Variants in ZNF385D observed in about 807,000 individuals in gnomAD.
The protein encoded by ZNF385D is zinc finger protein 659.
In ZNF385D, 15 loss-of-function variants were observed where a neutral mutation model predicts 35.8. The observed-to-expected ratio is 0.42, with a 90% CI of 0.28 to 0.64. ZNF385D has a LOEUF of 0.64. ZNF385D is among the 30% of genes least tolerant of loss of function. The probability of loss-of-function intolerance (pLI) is 0.23; values close to 1 mark genes in which losing one functional copy is unlikely to be tolerated. For synonymous variants in ZNF385D, 212 were observed against 186.8 expected (o/e 1.13, Z -1.10); for missense variants, 474 against 494.6 (o/e 0.96, Z 0.39).
At chr3:21,752,831 C>T (rs2070167208), upstream of ZNF385D, among the ~76,000 whole-genome samples, 1 of 151,952 alleles carries the variant, frequency 6.6e-6, no homozygotes, top group African/African-American at 2.4e-5. Context: ...AATGTTTTTT[C>T]CTTTTGGACA....
intron 3 of ZNF385D, among the ~76,000 whole-genome samples, chr3:22,027,116 C>T (rs1040186292): frequency 6.6e-6 from 1 of 152,182 alleles, no homozygotes; most frequent in African/African-American, 2.4e-5. Context: ...CTTTACTGTC[C>T]TACCTCAGGG....
At chr3:21,506,020 A>G (rs1278699895) in intron 4 of ZNF385D, among the ~76,000 whole-genome samples, 1 of 152,186 alleles carries the variant, frequency 6.6e-6, no homozygotes, top group Non-Finnish European at 1.5e-5. Flanking sequence ...GCCACCCTGC[A>G]GGCTGTAACT....
intron 2 of ZNF385D, among the ~76,000 whole-genome samples, chr3:22,354,854 T>G (rs1559537768): frequency 2.0e-5 from 3 of 152,058 alleles, no homozygotes; most frequent in Non-Finnish European, 4.4e-5. Context: ...AAGCAAAATT[T>G]GAAATTCAGT....
At chr3:22,361,944 G>A (rs9844099) in intron 2 of ZNF385D, among the ~76,000 whole-genome samples, 33,128 of 151,454 alleles carry the variant, frequency 0.22, 3,971 homozygotes, top group Non-Finnish European at 0.27. Flanking sequence ...TGAACTAGCA[G>A]GAAAAATAAA....
intron 3 of ZNF385D, among the ~76,000 whole-genome samples, chr3:22,004,150 T>C (rs1696042233): frequency 6.6e-6 from 1 of 152,110 alleles, no homozygotes; most frequent in African/African-American, 2.4e-5. Context: ...TCCACATATT[T>C]ATAGCCAACT....
At chr3:21,776,655 C>G (rs2071301108) in intron 3 of ZNF385D, among the ~76,000 whole-genome samples, 1 of 151,840 alleles carries the variant, frequency 6.6e-6, no homozygotes, top group African/African-American at 2.4e-5. Context: ...AAAAAATAAA[C>G]TTTATATGAG....
intron 3 of ZNF385D, among the ~76,000 whole-genome samples, chr3:22,044,802 G>A (rs1055997739): frequency 2.6e-5 from 4 of 152,024 alleles, no homozygotes; most frequent in African/African-American, 9.7e-5. Flanking sequence ...CAAAAGACAA[G>A]AACTTAAGCT....
intron 2 of ZNF385D, among the ~76,000 whole-genome samples, chr3:21,593,037 C>T (rs574946068): frequency 6.6e-6 from 1 of 152,144 alleles, no homozygotes. Context: ...CTCAGAGTAT[C>T]CTCCACACAT....
chr3:21,827,060 A>G (rs1168088164), intron 3 of ZNF385D, among the ~76,000 whole-genome samples: 1 of 152,178 alleles, frequency 6.6e-6, no homozygotes, highest in East Asian at 1.9e-4. Flanking sequence ...GTAATGGCAA[A>G]AGTGGAGAGT....
At chr3:22,014,868 T>C (rs1696787204) in intron 3 of ZNF385D, among the ~76,000 whole-genome samples, 1 of 152,116 alleles carries the variant, frequency 6.6e-6, no homozygotes, top group Non-Finnish European at 1.5e-5. Flanking sequence ...GTACAAAATA[T>C]TTAAAAATTC....
intron 3 of ZNF385D, among the ~76,000 whole-genome samples, chr3:22,068,260 T>A (rs1209895585): frequency 6.6e-6 from 1 of 152,160 alleles, no homozygotes; most frequent in Non-Finnish European, 1.5e-5. Flanking sequence ...ATTCTATTCT[T>A]TTTTTCACCT....
chr3:21,914,302 TGTTA>T (rs1700094645), intron 3 of ZNF385D, among the ~76,000 whole-genome samples: 1 of 152,008 alleles, frequency 6.6e-6, no homozygotes, highest in Non-Finnish European at 1.5e-5. Flanking sequence ...TGACTTCAAG[TGTTA>T]GTAAGTAAAT....
chr3:22,061,737 C>T (rs1332358141), intron 3 of ZNF385D, among the ~76,000 whole-genome samples: 1 of 152,186 alleles, frequency 6.6e-6, no homozygotes. Context: ...TTTCCTTCCT[C>T]TCCCTTTGCC....
intron 3 of ZNF385D, among the ~76,000 whole-genome samples, chr3:21,894,172 T>C (rs983333177): frequency 6.6e-6 from 1 of 152,148 alleles, no homozygotes; most frequent in African/African-American, 2.4e-5. Flanking sequence ...TCTGATTTAT[T>C]TTCCTTTGAA....
intron 2 of ZNF385D, among the ~76,000 whole-genome samples, chr3:22,265,610 A>G (rs1700859552): frequency 1.3e-5 from 2 of 151,962 alleles, no homozygotes; most frequent in Admixed American, 6.6e-5. Flanking sequence ...GAAGGGAAGG[A>G]CTATGACACA....
At chr3:21,897,254 T>C (rs886770375) in intron 3 of ZNF385D, among the ~76,000 whole-genome samples, 5 of 152,130 alleles carry the variant, frequency 3.3e-5, no homozygotes, top group Non-Finnish European at 7.4e-5. Context: ...AATTCTCACA[T>C]TATTGATAAA....
chr3:21,856,548 G>C (rs1696723936), intron 3 of ZNF385D, among the ~76,000 whole-genome samples: 1 of 151,884 alleles, frequency 6.6e-6, no homozygotes, highest in African/African-American at 2.4e-5. Context: ...AGAAATCTTG[G>C]AATTTTCCCC....
intron 3 of ZNF385D, among the ~76,000 whole-genome samples, chr3:21,779,434 T>C (rs1280377274): frequency 6.6e-6 from 1 of 151,950 alleles, no homozygotes; most frequent in Non-Finnish European, 1.5e-5. Context: ...AGAGAGCGGA[T>C]TGTTGCCTTT....
intron 1 of ZNF385D, among the ~76,000 whole-genome samples, chr3:21,696,755 T>G (rs751689382): frequency 6.6e-6 from 1 of 152,184 alleles, no homozygotes; most frequent in Non-Finnish European, 1.5e-5. Flanking sequence ...AAAACAGTGC[T>G]TTATTGTGGG....
Sources: allele counts gnomAD v4.1 joint callset (sites outside exome capture counted in the v4.1 genomes callset), GRCh38; gene constraint gnomAD v4.1.1; transcripts MANE v1.5; gene names NCBI Gene and HGNC (gene_info 2026-07-23, HGNC 2026-07-21).